STXBP5: variants seen among roughly 807,000 people sequenced by gnomAD.
The protein encoded by STXBP5 is syntaxin-binding protein 5.
Under a neutral mutation model 152.4 loss-of-function variants are expected in STXBP5, and 50 were observed. The observed-to-expected ratio is 0.33, with a 90% CI of 0.26 to 0.42. The LOEUF (loss-of-function observed/expected upper bound fraction) is 0.42. STXBP5 is among the 10% of genes least tolerant of loss of function. The pLI is 1.00. For synonymous variants in STXBP5, 492 were observed against 494.7 expected (o/e 0.99, Z 0.07); for missense variants, 1,167 against 1,388.6 (o/e 0.84, Z 2.54).
chr6:147,241,603 T>A (rs1778546423), intron 4 of STXBP5, among the ~76,000 whole-genome samples: 2 of 152,176 alleles, frequency 1.3e-5, no homozygotes, highest in Non-Finnish European at 2.9e-5. Context: ...GCTGAAATAC[T>A]CCTATAGATT....
At chr6:147,227,289 A>G (rs904342027) in intron 2 of STXBP5, among the ~76,000 whole-genome samples, 7 of 152,120 alleles carry the variant, frequency 4.6e-5, no homozygotes, top group African/African-American at 1.7e-4. Flanking sequence ...ACCTTTCCAA[A>G]GGCATATACA....
At chr6:147,352,402 G>C (rs946402901) in intron 21 of STXBP5, among the ~76,000 whole-genome samples, 1 of 152,130 alleles carries the variant, frequency 6.6e-6, no homozygotes, top group East Asian at 2.0e-4. Flanking sequence ...TCGGGAGGCC[G>C]AAGCGAGTGG....
chr6:147,343,448 A>G (rs1331336357), intron 21 of STXBP5, among the ~76,000 whole-genome samples: 1 of 152,166 alleles, frequency 6.6e-6, no homozygotes, highest in Non-Finnish European at 1.5e-5. Context: ...ATTAACTCAC[A>G]TAATTTTAAA....
At chr6:147,302,157 T>C (rs1781853122) in intron 9 of STXBP5, among the ~76,000 whole-genome samples, 1 of 152,288 alleles carries the variant, frequency 6.6e-6, no homozygotes, top group East Asian at 1.9e-4. Context: ...TAAACTGATA[T>C]TACATATATA....
At chr6:147,335,706 A>G (rs968334178) in intron 19 of STXBP5, among the ~76,000 whole-genome samples, 2 of 152,284 alleles carry the variant, frequency 1.3e-5, no homozygotes, top group African/African-American at 4.8e-5. Context: ...AGGCTGAGGC[A>G]GGAGAATGGC....
At chr6:147,285,844 G>A (rs1014207293) in intron 8 of STXBP5, among the ~76,000 whole-genome samples, 4 of 152,114 alleles carry the variant, frequency 2.6e-5, no homozygotes, top group African/African-American at 9.7e-5. Context: ...ATTGAAGTAA[G>A]TTAAAGGAGT....
intron 16 of STXBP5, among the ~76,000 whole-genome samples, chr6:147,324,262 T>TG (rs372942153): frequency 5.8e-4 from 67 of 116,110 alleles, no homozygotes; most frequent in South Asian, 1.7e-3. Context: ...GGTTTTTTTT[T>TG]GGTTTTTTTT....
At chr6:147,243,903 T>A (rs1220575990) in intron 4 of STXBP5, among the ~76,000 whole-genome samples, 1 of 152,102 alleles carries the variant, frequency 6.6e-6, no homozygotes, top group Non-Finnish European at 1.5e-5. Context: ...AGGGAGCAAT[T>A]TACTGTATTT....
At chr6:147,292,412 T>A (rs946089420) in intron 9 of STXBP5, 4 of 283,780 alleles carry the variant, frequency 1.4e-5, no homozygotes, top group Non-Finnish European at 2.7e-5. Context: ...TCCTCACTTA[T>A]GACATAGATG....
At chr6:147,231,121 C>T (rs1343439521) in intron 2 of STXBP5, among the ~76,000 whole-genome samples, 1 of 151,814 alleles carries the variant, frequency 6.6e-6, no homozygotes, top group Non-Finnish European at 1.5e-5. Context: ...TTTACTGGCT[C>T]TGGCATTTGT....
intron 4 of STXBP5, among the ~76,000 whole-genome samples, chr6:147,240,309 C>T (rs574903860): frequency 1.3e-5 from 2 of 152,018 alleles, no homozygotes; most frequent in East Asian, 1.9e-4. Flanking sequence ...TATTTTGGCA[C>T]GAAATATGAG....
At chr6:147,272,673 T>C (rs2128338312) in intron 7 of STXBP5, among the ~76,000 whole-genome samples, 1 of 152,304 alleles carries the variant, frequency 6.6e-6, no homozygotes, top group Admixed American at 6.5e-5. Flanking sequence ...TATATTACTG[T>C]ATTCAAATTC....
intron 16 of STXBP5, among the ~76,000 whole-genome samples, chr6:147,322,423 T>C (rs922491237): frequency 2.0e-5 from 3 of 152,228 alleles, no homozygotes; most frequent in Non-Finnish European, 4.4e-5. Context: ...GTATAAGCAG[T>C]GCCCTCAGTG....
rs752546119 is a variant in STXBP5 at position 147,267,091 on chromosome 6, T to C, written c.638T>C (p.Ile213Thr). The C allele has an allele frequency of 6.2e-7, 1 of 1,610,872 alleles. No individual in the cohort carries two copies. The highest frequency in any genetic ancestry group is 8.5e-7 in the Non-Finnish European group (1 of 1,178,916). The change falls in exon 7 of 28, where the codon ATT becomes ACT. Residue 213 changes from isoleucine (I) to threonine (T), a missense_variant. By Grantham distance (89) the Ile-to-Thr change is moderately conservative. Transcript: ENST00000321680. ...CTTTTTCTTTTATCACAGCTTTTGA[T>C]TGGCTTTGAATCTGGAACAGTAGTT... is the stretch of plus-strand genomic sequence containing the variant. ...DNPMDEGKLL[I>T]GFESGTVVLW...
Position 147,260,635 on chromosome 6 carries a change from C to G in STXBP5, c.452C>G (p.Pro151Arg). 6.2e-7 allele frequency: 1 copy of G among 1,613,582 alleles called. No individual in the cohort carries two copies. The highest frequency in any genetic ancestry group is 8.5e-7 in the Non-Finnish European group (1 of 1,179,704). ...CRERVTFCHL[P>R]FQSKWLYVGT... is the part of the protein sequence containing the mutation. ...TGCAGGGTTACATTTTGCCATCTGC[C>G]TTTCCAGAGTAAGTGGCTCTATGTG... Residue 151 changes from proline (P) to arginine (R), a missense_variant, in exon 5 of 28, where the codon CCT becomes CGT. Physicochemically the swap from Pro to Arg is moderately radical, Grantham distance 103. Coordinates refer to ENST00000321680, the MANE Select transcript of STXBP5 (RefSeq NM_001127715.4).
intron 21 of STXBP5, among the ~76,000 whole-genome samples, chr6:147,343,002 A>G (rs894960994): frequency 6.6e-6 from 1 of 152,124 alleles, no homozygotes; most frequent in Non-Finnish European, 1.5e-5. Flanking sequence ...ATGATTACCA[A>G]ATTCCTTCTG....
In STXBP5 at chr6:147,359,073, A is replaced by G; in HGVS notation, c.2306-11A>G. ...ACTTGAGCAATCTCACAACATTTTT[A>G]ACCATTTCAGATGTAAAGGATAACT... On this transcript the variant is annotated splice_polypyrimidine_tract_variant and intron_variant, in intron 22 of 27. Coordinates refer to ENST00000321680, the MANE Select transcript of STXBP5 (RefSeq NM_001127715.4). The G allele has an allele frequency of 2.5e-6, 4 of 1,609,768 alleles. No individual in the cohort carries two copies. Among genetic ancestry groups the G allele is most frequent in the Non-Finnish European group, 3.4e-6 (4 of 1,177,094 alleles).
rs1220689868 is a variant in STXBP5 at position 147,205,965 on chromosome 6, C to T, written c.151-6C>T. The T allele has an allele frequency of 1.2e-6, 2 of 1,613,386 alleles. No individual in the cohort carries two copies. The highest frequency in any genetic ancestry group is 1.7e-6 in the Non-Finnish European group (2 of 1,179,354). On this transcript the variant is annotated splice_region_variant and splice_polypyrimidine_tract_variant and intron_variant, in intron 1 of 27. Transcript: ENST00000321680. ...GGTTGCTGTGATGTCACTTGCCCAT[C>T]CCTAGACTGTTCGCCATGGATTTCC... is the stretch of plus-strand genomic sequence containing the variant.
At chr6:147,243,782 G>GT (rs905096441) in intron 4 of STXBP5, among the ~76,000 whole-genome samples, 7 of 151,598 alleles carry the variant, frequency 4.6e-5, no homozygotes, top group South Asian at 2.1e-4. Flanking sequence ...TATGTCTAGA[G>GT]TTTTTTTTCT....
Sources: allele counts gnomAD v4.1 joint callset (sites outside exome capture counted in the v4.1 genomes callset), GRCh38; gene constraint gnomAD v4.1.1; transcripts MANE v1.5; gene names NCBI Gene and HGNC (gene_info 2026-07-23, HGNC 2026-07-21).